The following FARP1 variants were observed in gnomAD, a reference collection of about 807,000 sequenced individuals.
FARP1 encodes the protein FERM, ARH/RhoGEF and pleckstrin domain protein 1.
A neutral mutation model predicts 128.8 loss-of-function variants in FARP1; 52 were observed. That is an observed-to-expected ratio of 0.40 (90% CI 0.32 to 0.51). The LOEUF (loss-of-function observed/expected upper bound fraction) is 0.51, where lower values mean the gene tolerates loss of function less well. Ranked by LOEUF, FARP1 falls within the 20% of genes least tolerant of loss-of-function variation. The pLI, the probability that FARP1 is intolerant of heterozygous loss-of-function variation, is 0.45. For missense variants in FARP1, 1,333 were observed against 1,367.9 expected (o/e 0.97, Z 0.40); for synonymous variants, 580 against 551.8 (o/e 1.05, Z -0.72).
chr13:98,227,131 A>G (rs1414755692), intron 2 of FARP1, among the ~76,000 whole-genome samples: 2 of 151,940 alleles, frequency 1.3e-5, no homozygotes, highest in Non-Finnish European at 2.9e-5. Flanking sequence ...TTTAGTAGAG[A>G]CGGGGTTTCA....
chr13:98,301,340 T>C (rs554184720), intron 2 of FARP1, among the ~76,000 whole-genome samples: 6 of 142,448 alleles, frequency 4.2e-5, no homozygotes, highest in African/African-American at 1.8e-4. Flanking sequence ...GTTCTGTAGG[T>C]GAAGAGGTGG....
At chr13:98,311,121 C>T (rs1422297608) in intron 2 of FARP1, among the ~76,000 whole-genome samples, 4 of 152,352 alleles carry the variant, frequency 2.6e-5, no homozygotes, top group African/African-American at 9.6e-5. Flanking sequence ...TACAAATTAA[C>T]AGCAGCACCA....
At chr13:98,151,415 C>T (rs996942557) in intron 1 of FARP1, among the ~76,000 whole-genome samples, 3 of 151,996 alleles carry the variant, frequency 2.0e-5, no homozygotes, top group Non-Finnish European at 2.9e-5. Flanking sequence ...ATCTTTTTAT[C>T]GGTGTATTCT....
intron 1 of FARP1, among the ~76,000 whole-genome samples, chr13:98,171,373 C>T (rs1877642511): frequency 6.6e-6 from 1 of 152,202 alleles, no homozygotes; most frequent in Non-Finnish European, 1.5e-5. Flanking sequence ...GCCCTTCCCC[C>T]TCCCATTCAG....
chr13:98,319,474 G>A (rs1443403882), intron 2 of FARP1, among the ~76,000 whole-genome samples: 3 of 152,094 alleles, frequency 2.0e-5, no homozygotes, highest in Non-Finnish European at 4.4e-5. Context: ...CAAAAAATTA[G>A]CCAGGCGTGG....
chr13:98,236,369 A>G (rs1399965048), intron 2 of FARP1, among the ~76,000 whole-genome samples: 1 of 152,232 alleles, frequency 6.6e-6, no homozygotes, highest in Non-Finnish European at 1.5e-5. Flanking sequence ...AAATCTAGTA[A>G]TATGATACCT....
At chr13:98,344,682 G>C (rs1323157802) in intron 3 of FARP1, among the ~76,000 whole-genome samples, 1 of 152,218 alleles carries the variant, frequency 6.6e-6, no homozygotes, top group Non-Finnish European at 1.5e-5. Flanking sequence ...CCACAGGTGG[G>C]ACGGCAGCAT....
At chr13:98,390,474 C>T in intron 10 of FARP1, 1 of 428,498 alleles carries the variant, frequency 2.3e-6, no homozygotes, top group Admixed American at 4.0e-5. Flanking sequence ...TCATTGTCTG[C>T]CATGTGTCAA....
chr13:98,361,905 A>T (rs146773990), intron 3 of FARP1, among the ~76,000 whole-genome samples: 50 of 152,290 alleles, frequency 3.3e-4, no homozygotes, highest in African/African-American at 1.2e-3. Flanking sequence ...GATATCGGTC[A>T]TCGCCTCTTG....
At chr13:98,153,427 CATTAT>C (rs1175112116) in intron 1 of FARP1, among the ~76,000 whole-genome samples, 8 of 125,766 alleles carry the variant, frequency 6.4e-5, no homozygotes. Flanking sequence ...ATATGTAACA[CATTAT>C]ATATAAATAT....
chr13:98,155,281 G>T (rs1197153817), intron 1 of FARP1, among the ~76,000 whole-genome samples: 2 of 147,446 alleles, frequency 1.4e-5, no homozygotes, highest in Non-Finnish European at 3.0e-5. Flanking sequence ...GGAGGCAGAG[G>T]TTGTGGTGAG....
chr13:98,432,315 T>A (rs1328390897), intron 18 of FARP1: 1 of 152,312 alleles, frequency 6.6e-6, no homozygotes, highest in Non-Finnish European at 1.5e-5. Context: ...CCCCTTTAGA[T>A]CAATTGCATT....
chr13:98,313,156 T>G (rs1886558422), intron 2 of FARP1, among the ~76,000 whole-genome samples: 5 of 119,298 alleles, frequency 4.2e-5, no homozygotes, highest in African/African-American at 6.6e-5. Context: ...TCGAATCGGG[T>G]GGGTCATAAT....
chr13:98,267,447 G>C (rs562217208), intron 2 of FARP1, among the ~76,000 whole-genome samples: 18 of 152,128 alleles, frequency 1.2e-4, no homozygotes, highest in Non-Finnish European at 2.5e-4. Flanking sequence ...TGACTTTTCT[G>C]CTGGTCTGCT....
intron 1 of FARP1, among the ~76,000 whole-genome samples, chr13:98,158,643 A>AG (rs1286284638): frequency 6.6e-6 from 1 of 152,176 alleles, no homozygotes; most frequent in African/African-American, 2.4e-5. Context: ...ACATAAAAAA[A>AG]CCCTAAAGTG....
At chr13:98,328,779 C>G (rs1277808441) in intron 2 of FARP1, 1 of 152,230 alleles carries the variant, frequency 6.6e-6, no homozygotes, top group African/African-American at 2.4e-5. Context: ...CGAGGTGGCC[C>G]TTGAGCACGG....
At chr13:98,169,211 C>T (rs1201583529) in intron 1 of FARP1, among the ~76,000 whole-genome samples, 1 of 152,106 alleles carries the variant, frequency 6.6e-6, no homozygotes, top group Non-Finnish European at 1.5e-5. Flanking sequence ...CTGTAGCACC[C>T]CCATCCTTCA....
intron 17 of FARP1, among the ~76,000 whole-genome samples, chr13:98,426,753 A>G (rs1176865806): frequency 6.6e-6 from 1 of 152,182 alleles, no homozygotes; most frequent in Non-Finnish European, 1.5e-5. Context: ...AATGCTATGC[A>G]AAAAAAGAAA....
Position 98,395,307 on chromosome 13 carries a change from G to A in FARP1, c.1245G>A (p.Pro415=), listed in dbSNP as rs1334294689. Residue 415 remains proline, a synonymous_variant, in exon 13 of 27, where the codon CCG becomes CCA. Transcript: ENST00000319562. ...AGAGCTGCCGGCGAGGAAAGGAACC[G>A]AAGGTTTCCGCCGGGGAGCCGGGGT... ...GGQSCRRGKE[P]KVSAGEPGSH... is the part of the protein sequence containing the mutation. 15 of 1,610,200 alleles carry A rather than the reference G, an allele frequency of 9.3e-6. No individual in the cohort carries two copies. The highest frequency in any genetic ancestry group is 4.0e-5 in the African/African-American group (3 of 74,910).
Sources: allele counts gnomAD v4.1 joint callset (sites outside exome capture counted in the v4.1 genomes callset), GRCh38; gene constraint gnomAD v4.1.1; transcripts MANE v1.5; gene names NCBI Gene and HGNC (gene_info 2026-07-23, HGNC 2026-07-21).